EML6: variants seen among roughly 807,000 people sequenced by gnomAD.
EML6 encodes echinoderm microtubule-associated protein-like 6.
A neutral mutation model predicts 240.1 loss-of-function variants in EML6; 154 were observed. The observed-to-expected ratio is 0.64, with a 90% CI of 0.56 to 0.73. EML6 has a LOEUF of 0.73. Ranked by LOEUF, EML6 falls within the 30% of genes least tolerant of loss-of-function variation. The pLI, the probability that EML6 is intolerant of heterozygous loss-of-function variation, is 0.00. For synonymous variants in EML6, 1,148 were observed against 899.0 expected (o/e 1.28, Z -4.95); for missense variants, 2,964 against 2,474.6 (o/e 1.20, Z -4.20).
chr2:54,741,883 A>G (rs948551090), intron 2 of EML6, among the ~76,000 whole-genome samples: 1 of 152,216 alleles, frequency 6.6e-6, no homozygotes, highest in African/African-American at 2.4e-5. Flanking sequence ...AGCTGGAATG[A>G]TGGAGTTAGA....
chr2:54,960,324 G>A lies in EML6; in HGVS notation c.4958G>A (p.Cys1653Tyr), dbSNP rs1676439195. 3 of 1,550,100 alleles carry A rather than the reference G, an allele frequency of 1.9e-6. No homozygotes were observed. In the Admixed American group the frequency reaches 5.9e-5, roughly 30 times the overall value. Residue 1653 changes from cysteine (C) to tyrosine (Y), a missense_variant, in exon 35 of 42, where the codon TGC (cysteine) becomes TAC (tyrosine). By Grantham distance (194) the Cys-to-Tyr change is radical. Transcript: ENST00000356458. The stretch of plus-strand genomic sequence containing the variant: ...CTGGTGGAGTGTGTGCGCTCCGTGT[G>A]CCGTGGAAAAGTGAGCACAGCCAGC... Reference protein sequence around the residue: ...GQLVECVRSVCRGKGKILVGT... With the variant: ...GQLVECVRSVYRGKGKILVGT...
intron 26 of EML6, among the ~76,000 whole-genome samples, chr2:54,926,662 C>G (rs962261245): frequency 6.6e-6 from 1 of 152,166 alleles, no homozygotes; most frequent in Non-Finnish European, 1.5e-5. Context: ...CTGTCAATTC[C>G]CTTTATTGTT....
intron 2 of EML6, among the ~76,000 whole-genome samples, chr2:54,770,054 C>T: frequency 6.6e-6 from 1 of 152,012 alleles, no homozygotes; most frequent in East Asian, 1.9e-4. Flanking sequence ...ATGAAGAAGC[C>T]CTTTAATATT....
rs1677038209 is a variant in EML6 at position 54,971,914 on chromosome 2, C to T, written c.*1819C>T. On this transcript the variant is annotated 3_prime_UTR_variant, in exon 42 of 42. Coordinates refer to ENST00000356458, the MANE Select transcript of EML6 (RefSeq NM_001039753.4). The stretch of plus-strand genomic sequence containing the variant: ...ATTTTATGTATGTTCATAAATCCTG[C>T]ACTGTATGATATATGTGAGTTAAAA... The T allele has an allele frequency of 6.6e-6, 1 of 152,172 alleles. No homozygotes were observed. Among genetic ancestry groups the T allele is most frequent in the Non-Finnish European group, 1.5e-5 (1 of 68,032 alleles). The allele number at this position is 152,172 out of a possible 1,614,324, so 9.4% of individuals were successfully genotyped here.
intron 21 of EML6, among the ~76,000 whole-genome samples, chr2:54,896,742 A>G (rs1268017121): frequency 6.6e-6 from 1 of 152,148 alleles, no homozygotes; most frequent in African/African-American, 2.4e-5. Context: ...TGAATCCCCA[A>G]ATCCCACTGA....
intron 2 of EML6, among the ~76,000 whole-genome samples, chr2:54,775,601 A>G (rs1007261880): frequency 5.5e-4 from 84 of 152,296 alleles, no homozygotes; most frequent in African/African-American, 2.0e-3. Context: ...AAAACTGTGT[A>G]TTTAATGTTT....
chr2:54,885,447 CA>C (rs774663095), intron 17 of EML6, among the ~76,000 whole-genome samples: 126 of 142,268 alleles, frequency 8.9e-4, no homozygotes, highest in Admixed American at 1.7e-3. Context: ...AACTCTGTCT[CA>C]AAAAAAAAAA....
Position 54,855,577 on chromosome 2 carries a change from T to TA in EML6, c.1657+1728dup, listed in dbSNP as rs1216022787. On this transcript the variant is annotated intron_variant, in intron 11 of 41. Transcript: ENST00000356458. The stretch of plus-strand genomic sequence containing the variant: ...GCTGTCAAAATGAGTCACCGTTACA[T>TA]AAAAAACAGCTCTTTGGATAATGGC... Among the ~76,000 whole-genome samples, 3 of 149,992 alleles carry TA rather than the reference T, an allele frequency of 2.0e-5. No homozygotes were observed. In the Admixed American group the frequency reaches 2.0e-4, roughly 10 times the overall value.
chr2:54,940,157 C>G (rs1174856456), intron 28 of EML6, among the ~76,000 whole-genome samples: 2 of 152,178 alleles, frequency 1.3e-5, no homozygotes, highest in African/African-American at 2.4e-5. Context: ...CAAATGACCT[C>G]AAAATTCCAC....
rs895669786 is a variant in EML6 at position 54,903,424 on chromosome 2, A to G, written c.3331A>G (p.Asn1111Asp). The change falls in exon 24 of 42, where the codon AAC (asparagine) becomes GAC (aspartate). Residue 1111 changes from asparagine (N) to aspartate (D), a missense_variant. Physicochemically the swap from Asn to Asp is conservative, Grantham distance 23 (BLOSUM62 1). Transcript: ENST00000356458. ...ASHDNFVDIY[N>D]VLTSKRVGIC... is the part of the protein sequence containing the mutation. ...CCATGATAACTTTGTGGATATTTAC[A>G]ACGTACTTACAAGCAAAAGGGTTGG... is the stretch of plus-strand genomic sequence containing the variant. 3 of 1,551,888 alleles carry G rather than the reference A, an allele frequency of 1.9e-6. No individual in the cohort carries two copies. Among genetic ancestry groups the G allele is most frequent in the Middle Eastern group, 3.3e-4 (2 of 5,992 alleles).
At chr2:54,726,389 G>T (rs915008066) in intron 2 of EML6, among the ~76,000 whole-genome samples, 1 of 152,128 alleles carries the variant, frequency 6.6e-6, no homozygotes, top group African/African-American at 2.4e-5. Flanking sequence ...TGCAGAGAAT[G>T]ATTTCAAAGA....
At chr2:54,952,381 G>A (rs1676026316) in intron 30 of EML6, among the ~76,000 whole-genome samples, 2 of 152,196 alleles carry the variant, frequency 1.3e-5, no homozygotes, top group South Asian at 4.2e-4. Flanking sequence ...ATAACAGACA[G>A]TAGCTCCCCT....
At chr2:54,838,171 T>C (rs1333460172) in intron 7 of EML6, among the ~76,000 whole-genome samples, 3 of 152,238 alleles carry the variant, frequency 2.0e-5, no homozygotes, top group African/African-American at 7.2e-5. Flanking sequence ...ATAGGGCACT[T>C]CATAGTTCCT....
chr2:54,795,944 G>A (rs1043377492), intron 2 of EML6, among the ~76,000 whole-genome samples: 4 of 152,062 alleles, frequency 2.6e-5, no homozygotes, highest in Admixed American at 2.6e-4. Flanking sequence ...ATACTCACTG[G>A]TGGGCTACAA....
chr2:54,779,546 CAAAAA>C (rs57641161), intron 2 of EML6, among the ~76,000 whole-genome samples: 2 of 96,714 alleles, frequency 2.1e-5, no homozygotes, highest in Admixed American at 1.1e-4. Context: ...GACTCTGTCT[CAAAAA>C]AAAAAAAAAA....
chr2:54,916,763 A>C lies in EML6; in HGVS notation c.3503A>C (p.Glu1168Ala). Residue 1168 changes from glutamate to alanine, a missense_variant, in exon 26 of 42, where the codon GAG becomes GCG. Glu to Ala is a moderately radical substitution (Grantham distance 107). Transcript: ENST00000356458. ...KRHIIRPSEIEKIEWDTWTCV... is the reference protein window; with the variant it reads ...KRHIIRPSEIAKIEWDTWTCV... ...TTCTCTTTCGTTCTTTTTCAGATCG[A>C]GAAGATAGAGTGGGACACATGGACC... The C allele has an allele frequency of 1.3e-6, 2 of 1,490,474 alleles. No homozygotes were observed. The highest frequency in any genetic ancestry group is 1.8e-6 in the Non-Finnish European group (2 of 1,106,608). 92.3% of individuals were successfully genotyped at this position (1,490,474 alleles called of 1,614,324 possible).
intron 2 of EML6, among the ~76,000 whole-genome samples, chr2:54,743,642 G>A (rs1264351123): frequency 6.6e-6 from 1 of 152,056 alleles, no homozygotes; most frequent in East Asian, 1.9e-4. Context: ...AGCCCATAGT[G>A]AAAAATGTTA....
chr2:54,797,338 G>C (rs1481038580), intron 2 of EML6, among the ~76,000 whole-genome samples: 1 of 152,056 alleles, frequency 6.6e-6, no homozygotes, highest in Non-Finnish European at 1.5e-5. Flanking sequence ...GGAGTTCAAA[G>C]GAGAGAAATG....
rs879315584 is a variant in EML6 at position 54,744,959 on chromosome 2, CACA to C, written c.197+19702_197+19704del. Among the ~76,000 whole-genome samples the C allele has an allele frequency of 5.6e-3, 536 of 94,906 alleles. 12 individuals carry two copies. The highest frequency in any genetic ancestry group is 0.018 in the South Asian group (43 of 2,406). 62.3% of individuals were successfully genotyped at this position (94,906 alleles called of 152,430 possible). On this transcript the variant is annotated intron_variant, in intron 2 of 41. Coordinates refer to ENST00000356458, the MANE Select transcript of EML6 (RefSeq NM_001039753.4). Reference sequence around the variant, plus strand: ...ACACACACACACACACACACACACACACACCCTGCCATGCAGGCCTTCCCAGTG... The same window carrying C: ...ACACACACACACACACACACACACACCCCTGCCATGCAGGCCTTCCCAGTG...
Sources: allele counts gnomAD v4.1 joint callset (sites outside exome capture counted in the v4.1 genomes callset), GRCh38; gene constraint gnomAD v4.1.1; transcripts MANE v1.5; gene names NCBI Gene and HGNC (gene_info 2026-07-23, HGNC 2026-07-21).